RGPD2: variants seen among roughly 807,000 people sequenced by gnomAD.
RGPD2 encodes the protein RANBP2 like and GRIP domain containing 2, also known as RANBP2-like and GRIP domain-containing protein 2.
RGPD2 carries 2 observed loss-of-function variants against 36.0 expected under a neutral mutation model. The ratio of observed to expected loss-of-function variants is 0.06; its 90% CI spans 0.02 to 0.17. The LOEUF (loss-of-function observed/expected upper bound fraction) is 0.17, where lower values mean the gene tolerates loss of function less well. Ranked by LOEUF, RGPD2 falls within the 10% of genes least tolerant of loss-of-function variation. RGPD2 has a pLI of 1.00. For missense variants in RGPD2, 40 were observed against 464.3 expected, an observed-to-expected ratio of 0.09 and a Z score of 8.40; for synonymous variants, 19 against 163.8, an observed-to-expected ratio of 0.12 and a Z score of 6.75.
At chr2:87,924,605 A>G in the RGPD2 span, among the ~76,000 whole-genome samples, 1 of 152,220 alleles carries the variant, frequency 6.6e-6, no homozygotes, top group Non-Finnish European at 1.5e-5. Flanking sequence ...AAGCTTTAGA[A>G]TGCCAGTAAT....
At chr2:87,936,070 CA>C in the RGPD2 span, among the ~76,000 whole-genome samples, 1 of 117,570 alleles carries the variant, frequency 8.5e-6, no homozygotes, top group Non-Finnish European at 1.8e-5. Flanking sequence ...AAATGGCGAT[CA>C]GAGGGTGGGT....
At chr2:87,883,568 T>C in the RGPD2 span, among the ~76,000 whole-genome samples, 1 of 151,776 alleles carries the variant, frequency 6.6e-6, no homozygotes, top group Non-Finnish European at 1.5e-5. Flanking sequence ...CTGCCTACAA[T>C]AGACTCATCT....
chr2:87,860,702 T>C, the RGPD2 span, among the ~76,000 whole-genome samples: 1 of 152,294 alleles, frequency 6.6e-6, no homozygotes, highest in East Asian at 1.9e-4. Context: ...GTAATATATG[T>C]GTAATGTGTG....
At chr2:87,824,786 G>GCCGCCGCCCGGCC (rs1229101526) in intron 1 of RGPD2, among the ~76,000 whole-genome samples, 4 of 16,496 alleles carry the variant, frequency 2.4e-4, no homozygotes, top group Admixed American at 8.5e-4. Context: ...GGCCGAGGCC[G>GCCGCCGCCCGGCC]AGGCCGAGGC....
the RGPD2 span, among the ~76,000 whole-genome samples, chr2:87,957,161 T>TG: frequency 1.3e-5 from 2 of 149,404 alleles, no homozygotes; most frequent in African/African-American, 2.5e-5. Context: ...ATTTACAAGA[T>TG]GAAGCTCTAA....
the RGPD2 span, among the ~76,000 whole-genome samples, chr2:87,978,887 C>T: frequency 3.4e-5 from 5 of 147,000 alleles, no homozygotes; most frequent in East Asian, 2.0e-4. Context: ...CACTGCAGTC[C>T]GGCGTAGGCA....
chr2:87,889,351 T>TA, the RGPD2 span, among the ~76,000 whole-genome samples: 1 of 26,490 alleles, frequency 3.8e-5, no homozygotes, highest in Admixed American at 3.7e-4. Flanking sequence ...CTGTTTTTTT[T>TA]AAAAAAAGTT....
the RGPD2 span, among the ~76,000 whole-genome samples, chr2:87,839,610 T>G: frequency 6.6e-6 from 1 of 152,054 alleles, no homozygotes; most frequent in African/African-American, 2.4e-5. Flanking sequence ...AAGAAAATTG[T>G]GTCTTTTGCA....
chr2:87,912,163 A>C, the RGPD2 span, among the ~76,000 whole-genome samples: 1 of 146,382 alleles, frequency 6.8e-6, no homozygotes, highest in Non-Finnish European at 1.5e-5. Flanking sequence ...TAACTTTTAC[A>C]TACCAATCTG....
chr2:87,917,134 T>C, the RGPD2 span, among the ~76,000 whole-genome samples: 1 of 152,026 alleles, frequency 6.6e-6, no homozygotes, highest in Non-Finnish European at 1.5e-5. Flanking sequence ...ACTTGGAATA[T>C]TGAGGTAAGT....
At chr2:87,986,867 C>A in the RGPD2 span, among the ~76,000 whole-genome samples, 2 of 116,462 alleles carry the variant, frequency 1.7e-5, no homozygotes, top group African/African-American at 6.5e-5. Context: ...ATGACTACAG[C>A]GAAACTGTCT....
At chr2:87,952,658 T>C in the RGPD2 span, among the ~76,000 whole-genome samples, 1 of 151,884 alleles carries the variant, frequency 6.6e-6, no homozygotes, top group Non-Finnish European at 1.5e-5. Context: ...TCTGATGAAG[T>C]AGATAAAACA....
At position 87,825,770 on chromosome 2, in the gene RGPD2, C is replaced by A. The variant is rs754992927; in HGVS notation, c.-41G>T. 12 of 1,553,560 alleles carry A rather than the reference C, an allele frequency of 7.7e-6. No individual in the cohort carries two copies. In the South Asian group the frequency reaches 9.4e-5, roughly 12 times the overall value. ...GCTCCCGAGACGCGTGAAACCAGCGCTCAGCCCCGCAGCAGTCGCCAATTC... is the reference window on the plus strand; with the variant it reads ...GCTCCCGAGACGCGTGAAACCAGCGATCAGCCCCGCAGCAGTCGCCAATTC... On this transcript the variant is annotated 5_prime_UTR_variant, in exon 1 of 23. Transcript: ENST00000398146.
chr2:87,813,950 TAA>T (rs936890831), intron 4 of RGPD2, among the ~76,000 whole-genome samples: 2 of 151,904 alleles, frequency 1.3e-5, no homozygotes, highest in African/African-American at 2.4e-5. Flanking sequence ...AGAAAATCTT[TAA>T]AGAGTGCTTC....
upstream of RGPD2, among the ~76,000 whole-genome samples, chr2:87,830,333 C>G (rs1273879863): frequency 1.3e-5 from 2 of 152,260 alleles, no homozygotes; most frequent in African/African-American, 2.4e-5. Flanking sequence ...TGAAATCTAT[C>G]TAGAGATTCC....
chr2:87,805,882 C>T (rs1236005442), intron 7 of RGPD2, among the ~76,000 whole-genome samples: 15 of 136,096 alleles, frequency 1.1e-4, no homozygotes, highest in African/African-American at 4.0e-4. Flanking sequence ...AGGCCAGGCA[C>T]GCCAGGCACA....
At chr2:87,918,158 G>A in the RGPD2 span, among the ~76,000 whole-genome samples, 2 of 124,006 alleles carry the variant, frequency 1.6e-5, 1 homozygote, top group African/African-American at 6.9e-5. Flanking sequence ...CTATAAAGGT[G>A]TACGTATAAA....
intron 1 of RGPD2, chr2:87,825,130 A>C (rs1412362392): frequency 1.0e-5 from 4 of 390,762 alleles, no homozygotes; most frequent in African/African-American, 2.1e-5. Flanking sequence ...CGCTTCATTC[A>C]TTGCCCCCAC....
the RGPD2 span, among the ~76,000 whole-genome samples, chr2:87,864,708 T>C: frequency 4.6e-4 from 70 of 151,012 alleles, no homozygotes; most frequent in African/African-American, 1.6e-3. Context: ...AGACAACTGG[T>C]TGAACATCTT....
Sources: gnomAD v4.1 joint callset for allele counts (sites outside exome capture counted in the v4.1 genomes callset) on GRCh38, gnomAD v4.1.1 for gene constraint, MANE v1.5 for transcripts, NCBI Gene and HGNC (gene_info 2026-07-23, HGNC 2026-07-21) for gene names.